AP3D1: variants seen among roughly 807,000 people sequenced by gnomAD.
AP3D1 encodes AP-3 complex subunit delta-1.
AP3D1 carries 51 observed loss-of-function variants against 147.6 expected under a neutral mutation model. The ratio of observed to expected loss-of-function variants is 0.35; its 90% CI spans 0.28 to 0.44. AP3D1 has a LOEUF of 0.44. AP3D1 is among the 20% of genes least tolerant of loss of function. AP3D1 has a pLI of 1.00. For synonymous variants in AP3D1, 760 were observed against 663.0 expected (o/e 1.15, Z -2.25); for missense variants, 1,421 against 1,624.2 (o/e 0.87, Z 2.15).
chr19:2,149,497 C>T (rs2144573896), intron 1 of AP3D1, among the ~76,000 whole-genome samples: 1 of 149,250 alleles, frequency 6.7e-6, no homozygotes, highest in East Asian at 2.0e-4. Context: ...GAGCCAAGAT[C>T]ATGCCTCTGC....
At chr19:2,129,797 G>A (rs774228533) in intron 6 of AP3D1, among the ~76,000 whole-genome samples, 12 of 152,208 alleles carry the variant, frequency 7.9e-5, no homozygotes, top group East Asian at 5.8e-4. Context: ...CCCAGCCATC[G>A]GGGCTCAGGG....
intron 1 of AP3D1, among the ~76,000 whole-genome samples, chr19:2,140,624 G>A (rs550136747): frequency 7.2e-5 from 11 of 151,976 alleles, no homozygotes; most frequent in African/African-American, 2.2e-4. Flanking sequence ...ACAGGTGTGC[G>A]CCACCACGCC....
chr19:2,153,085 GA>G (rs1240320905), upstream of AP3D1, among the ~76,000 whole-genome samples: 3 of 151,024 alleles, frequency 2.0e-5, no homozygotes, highest in Non-Finnish European at 4.4e-5. Flanking sequence ...AAGGCAGGGG[GA>G]GGGGAGGATG....
At chr19:2,150,315 A>G (rs2019472104) in intron 1 of AP3D1, among the ~76,000 whole-genome samples, 1 of 152,154 alleles carries the variant, frequency 6.6e-6, no homozygotes, top group African/African-American at 2.4e-5. Context: ...GACACTTTCT[A>G]AGGCTCCCAC....
At chr19:2,114,701 C>G (rs1159188867) in intron 21 of AP3D1, 47 bp downstream of exon 21, 2 of 1,566,364 alleles carry the variant, frequency 1.3e-6, no homozygotes, top group Admixed American at 1.7e-5. Flanking sequence ...GGAAGGGAAG[C>G]AACCACATGT....
intron 9 of AP3D1, among the ~76,000 whole-genome samples, chr19:2,124,469 A>G (rs2018697075): frequency 6.6e-6 from 1 of 152,316 alleles, no homozygotes; most frequent in South Asian, 2.1e-4. Flanking sequence ...ACAGCTTTAA[A>G]AGAAAGACAT....
intron 29 of AP3D1, chr19:2,109,599 C>T: frequency 1.9e-6 from 1 of 517,038 alleles, no homozygotes. Flanking sequence ...GAGGAGCCTG[C>T]CCTGCTGGCT....
intron 15 of AP3D1, 145 bp from the exon 16 acceptor site, chr19:2,117,512 T>C: frequency 1.1e-6 from 1 of 889,648 alleles, no homozygotes. Flanking sequence ...CCAGCCTTCA[T>C]GCCGTCTCTG....
intron 9 of AP3D1, among the ~76,000 whole-genome samples, chr19:2,126,270 G>C (rs115956453): frequency 0.023 from 3,492 of 152,304 alleles, 130 homozygotes; most frequent in African/African-American, 0.079. Context: ...TGGCTGACTT[G>C]GAGCAGCTTG....
intron 18 of AP3D1, 132 bp downstream of exon 18, chr19:2,116,073 GCA>G: frequency 2.3e-6 from 2 of 862,004 alleles, no homozygotes; most frequent in South Asian, 1.7e-5. Context: ...CAAAGGCTCC[GCA>G]CAGTCACCGT....
chr19:2,110,105 G>T, intron 28 of AP3D1, 31 bp downstream of exon 28: 3 of 1,605,662 alleles, frequency 1.9e-6, no homozygotes, highest in Non-Finnish European at 2.6e-6. Flanking sequence ...TGCAGAGTCG[G>T]CTCTTCAACG....
At chr19:2,149,824 AG>A (rs2019458223) in intron 1 of AP3D1, among the ~76,000 whole-genome samples, 3 of 152,354 alleles carry the variant, frequency 2.0e-5, no homozygotes, top group African/African-American at 7.2e-5. Flanking sequence ...CTGCCTGTGC[AG>A]AAAAAGTCCT....
chr19:2,133,038 C>T (rs1027071757), intron 4 of AP3D1, among the ~76,000 whole-genome samples: 52 of 152,284 alleles, frequency 3.4e-4, no homozygotes, highest in African/African-American at 1.1e-3. Context: ...AGGGCCACCC[C>T]GGGTGCAAGA....
chr19:2,108,985 G>A (rs2018188275), intron 30 of AP3D1, 101 bp downstream of exon 30: 9 of 1,548,284 alleles, frequency 5.8e-6, no homozygotes, highest in African/African-American at 2.8e-5. Context: ...CAAAGGGTGT[G>A]AGTTTGGGTG....
At chr19:2,131,419 G>A (rs112786815) in intron 5 of AP3D1, among the ~76,000 whole-genome samples, 26 of 147,234 alleles carry the variant, frequency 1.8e-4, no homozygotes, top group Admixed American at 5.4e-4. Context: ...CATCGGCCAC[G>A]ATCTAGACAC....
rs777767264 is a variant in AP3D1, at chr19:2,118,847, C to A, written c.1482-15G>T. 6.2e-7 allele frequency: 1 copy of A among 1,606,484 alleles called. No homozygotes were observed. The highest frequency in any genetic ancestry group is 8.5e-7 in the Non-Finnish European group (1 of 1,175,070). On this transcript the variant is annotated splice_polypyrimidine_tract_variant and intron_variant, in intron 14 of 31. Coordinates refer to ENST00000643116, the MANE Select transcript of AP3D1 (RefSeq NM_001261826.3). ...CCTGCAGATGCCTGAGGACAGGAAA[C>A]ACTGTGAGCCCCCAGGATGCCAATC...
chr19:2,128,458 A>G (rs2018824999), intron 8 of AP3D1, among the ~76,000 whole-genome samples: 1 of 119,226 alleles, frequency 8.4e-6, no homozygotes, highest in Admixed American at 8.0e-5. Flanking sequence ...CACCCCGTGG[A>G]GCCGGCCCGC....
intron 15 of AP3D1, 93 bp from the exon 16 acceptor site, chr19:2,117,460 G>A (rs2018490353): frequency 1.5e-6 from 2 of 1,360,526 alleles, no homozygotes. Flanking sequence ...CTGGCACAGT[G>A]ACGTGTGGGC....
Position 2,137,131 on chromosome 19 carries a change from C to G in AP3D1, c.274-40G>C, listed in dbSNP as rs544947436. 356 of 1,523,442 alleles carry G rather than the reference C, an allele frequency of 2.3e-4. 3 individuals carry two copies. Among genetic ancestry groups the G allele is most frequent in the Non-Finnish European group, 2.8e-4 (311 of 1,121,488 alleles). The allele number at this position is 1,523,442 out of a possible 1,614,324, so 94.4% of individuals were successfully genotyped here. ...ATGAGCACATCAGAGGCAGGACACC[C>G]GCAGCCTCCAGGAGCTCCAGCTCTG... On this transcript the variant is annotated intron_variant, in intron 3 of 31. Coordinates refer to ENST00000643116, the MANE Select transcript of AP3D1 (RefSeq NM_001261826.3).
Sources: allele counts gnomAD v4.1 joint callset (sites outside exome capture counted in the v4.1 genomes callset), GRCh38; gene constraint gnomAD v4.1.1; transcripts MANE v1.5; gene names NCBI Gene and HGNC (gene_info 2026-07-23, HGNC 2026-07-21).